Variants in SNF8 observed in about 807,000 individuals in gnomAD.
The protein encoded by SNF8 is vacuolar-sorting protein SNF8.
Under a neutral mutation model 36.8 loss-of-function variants are expected in SNF8, and 19 were observed. That is an observed-to-expected ratio of 0.52 (90% CI 0.36 to 0.76). SNF8 has a LOEUF of 0.76. SNF8 is among the 30% of genes least tolerant of loss of function. The pLI is 0.00. For synonymous variants in SNF8, 127 were observed against 127.4 expected (o/e 1.00, Z 0.02); for missense variants, 268 against 322.9 (o/e 0.83, Z 1.30).
rs2040823399 is a variant in SNF8, at chr17:48,929,403, T to G, written c.*1072A>C. 1 of 152,164 alleles carries G rather than the reference T, an allele frequency of 6.6e-6. No homozygotes were observed. The highest frequency in any genetic ancestry group is 6.6e-5 in the Admixed American group (1 of 15,262). 9.4% of individuals were successfully genotyped at this position (152,164 alleles called of 1,614,324 possible). On this transcript the variant is annotated 3_prime_UTR_variant, in exon 8 of 8. Coordinates refer to ENST00000502492, the MANE Select transcript of SNF8 (RefSeq NM_007241.4). ...TATCCTGCTAAAGGAAGGGTCTCAG[T>G]ATGGAAAAACCATTGAGTTTTCAGA...
intron 3 of SNF8, among the ~76,000 whole-genome samples, chr17:48,938,556 T>C (rs59318366): frequency 0.021 from 3,172 of 149,702 alleles, 99 homozygotes; most frequent in African/African-American, 0.066. Context: ...AATTATATTA[T>C]AATCCCATAT....
intron 3 of SNF8, among the ~76,000 whole-genome samples, chr17:48,939,584 C>T (rs1049265671): frequency 3.6e-4 from 55 of 151,116 alleles, no homozygotes; most frequent in Admixed American, 1.1e-3. Context: ...TTCAGCCTCC[C>T]GAGTAGCTGG....
chr17:48,941,277 C>CA (rs1317108402), intron 2 of SNF8, among the ~76,000 whole-genome samples: 11 of 151,952 alleles, frequency 7.2e-5, no homozygotes, highest in Non-Finnish European at 1.5e-5. Context: ...TTCTCACTTC[C>CA]AAAATACACA....
chr17:48,941,584 C>A (rs929715274), intron 2 of SNF8, among the ~76,000 whole-genome samples: 1 of 152,100 alleles, frequency 6.6e-6, no homozygotes, highest in Non-Finnish European at 1.5e-5. Context: ...TTGAGTCTGG[C>A]CAGGAATGGT....
intron 5 of SNF8, chr17:48,933,615 C>T (rs918397364): frequency 1.1e-5 from 4 of 371,524 alleles, no homozygotes; most frequent in Non-Finnish European, 2.0e-5. Context: ...GTGGCAATCG[C>T]CTATAATCCT....
At chr17:48,934,859 T>C (rs1445379305) in intron 5 of SNF8, among the ~76,000 whole-genome samples, 1 of 152,172 alleles carries the variant, frequency 6.6e-6, no homozygotes, top group Non-Finnish European at 1.5e-5. Flanking sequence ...CCAGCCTCGT[T>C]ACTTTTCTTT....
At position 48,929,410 on chromosome 17, in the gene SNF8, A is replaced by G. The variant is rs1347336046; in HGVS notation, c.*1065T>C. ...CTAAAGGAAGGGTCTCAGTATGGAA[A>G]AACCATTGAGTTTTCAGATTTCCAG... On this transcript the variant is annotated 3_prime_UTR_variant, in exon 8 of 8. Coordinates refer to ENST00000502492, the MANE Select transcript of SNF8 (RefSeq NM_007241.4). 1 of 152,180 alleles carries G rather than the reference A, an allele frequency of 6.6e-6. No individual in the cohort carries two copies. Among genetic ancestry groups the G allele is most frequent in the Non-Finnish European group, 1.5e-5 (1 of 68,054 alleles). The allele number at this position is 152,180 out of a possible 1,614,324, so 9.4% of individuals were successfully genotyped here.
chr17:48,931,156 A>G (rs1241414989), intron 7 of SNF8, among the ~76,000 whole-genome samples: 1 of 152,222 alleles, frequency 6.6e-6, no homozygotes, highest in Non-Finnish European at 1.5e-5. Flanking sequence ...TTGGATAAGG[A>G]AAAAAGGTAC....
Position 48,936,249 on chromosome 17 carries a change from G to C in SNF8, c.350-7C>G, listed in dbSNP as rs2040932702. ...TCCTCCAAAGTTATCAGACCTGTTT[G>C]GAGACAGGGAACAGAAATCAGAAAA... On this transcript the variant is annotated splice_polypyrimidine_tract_variant and splice_region_variant and intron_variant, in intron 4 of 7. Coordinates refer to ENST00000502492, the MANE Select transcript of SNF8 (RefSeq NM_007241.4). The C allele has an allele frequency of 6.2e-7, 1 of 1,610,582 alleles. No individual in the cohort carries two copies. Among genetic ancestry groups the C allele is most frequent in the East Asian group, 2.2e-5 (1 of 44,870 alleles).
At chr17:48,934,900 A>AG (rs1317094304) in intron 5 of SNF8, among the ~76,000 whole-genome samples, 1 of 152,132 alleles carries the variant, frequency 6.6e-6, no homozygotes, top group Non-Finnish European at 1.5e-5. Flanking sequence ...ATCTCATAGT[A>AG]GGCTGACTCT....
Position 48,937,137 on chromosome 17 carries a change from AAAAC to A in SNF8, c.245-17_245-14del. 1.3e-6 allele frequency: 2 copies of A among 1,584,524 alleles called. No homozygotes were observed. Among genetic ancestry groups the A allele is most frequent in the African/African-American group, 1.3e-5 (1 of 74,426 alleles). On this transcript the variant is annotated splice_polypyrimidine_tract_variant and intron_variant, in intron 3 of 7. Transcript: ENST00000502492. Reference sequence around the variant, plus strand: ...AATCCTTTTCCAGCTACAAGACAGAAAAACAAAATCTCGGTTATTGATTAATTTA... The same window carrying A: ...AATCCTTTTCCAGCTACAAGACAGAAAAAATCTCGGTTATTGATTAATTTA...
intron 5 of SNF8, 77 bp from the exon 6 acceptor site, chr17:48,933,423 A>G: frequency 6.6e-7 from 1 of 1,524,740 alleles, no homozygotes; most frequent in South Asian, 1.2e-5. Context: ...TGCCCTGGGC[A>G]GGATACTGAC....
rs777003599 is a variant in SNF8, at chr17:48,931,634, G to A, written c.639+9C>T. ...CCTGTCTTTTCTGGACTGTTCCAAA[G>A]TTGCATACCAGCACTTGCCGCGCTC... On this transcript the variant is annotated intron_variant, in intron 7 of 7. Transcript: ENST00000502492. 4 of 1,611,942 alleles carry A rather than the reference G, an allele frequency of 2.5e-6. No individual in the cohort carries two copies. Among genetic ancestry groups the A allele is most frequent in the Admixed American group, 1.7e-5 (1 of 59,824 alleles).
intron 5 of SNF8, 33 bp downstream of exon 5, chr17:48,936,137 C>A: frequency 3.2e-6 from 5 of 1,540,578 alleles, no homozygotes; most frequent in Admixed American, 1.7e-5. Flanking sequence ...AGACCTCTTT[C>A]TGTACTCCAA....
intron 7 of SNF8, 59 bp downstream of exon 7, chr17:48,931,584 C>A: frequency 7.2e-7 from 1 of 1,391,614 alleles, no homozygotes; most frequent in Non-Finnish European, 1.0e-6. Flanking sequence ...ATTTGTGGAA[C>A]CCACATCCTC....
chr17:48,942,753 T>C (rs1002300683), intron 2 of SNF8, among the ~76,000 whole-genome samples: 3 of 151,628 alleles, frequency 2.0e-5, no homozygotes, highest in African/African-American at 7.3e-5. Flanking sequence ...CATATAACCT[T>C]GGATATATTA....
In SNF8 at chr17:48,937,079, T is replaced by C. The variant is rs1444968098; in HGVS notation, c.290A>G (p.Tyr97Cys). 3.1e-6 allele frequency: 5 copies of C among 1,614,200 alleles called. No homozygotes were observed. The highest frequency in any genetic ancestry group is 1.1e-5 in the South Asian group (1 of 91,086). The change falls in exon 4 of 8, where the codon TAT becomes TGT. Residue 97 changes from tyrosine (Y) to cysteine (C), a missense_variant. Coordinates refer to ENST00000502492, the MANE Select transcript of SNF8 (RefSeq NM_007241.4). Reference sequence around the variant, plus strand: ...GATAATTTGGACACCTAGTTCGTAATAGAAGTCCCCCACGCCCAGCATCTC... The same window carrying C: ...GATAATTTGGACACCTAGTTCGTAACAGAAGTCCCCCACGCCCAGCATCTC... ...WSEMLGVGDF[Y>C]YELGVQIIEV...
chr17:48,930,606 G>C lies in SNF8; in HGVS notation c.646C>G (p.Leu216Val). 6.2e-7 allele frequency: 1 copy of C among 1,613,324 alleles called. No homozygotes were observed. Residue 216 changes from leucine to valine, a missense_variant, in exon 8 of 8, where the codon CTG becomes GTG. Coordinates refer to ENST00000502492, the MANE Select transcript of SNF8 (RefSeq NM_007241.4). The stretch of plus-strand genomic sequence containing the variant: ...AGCCACGCCAACCCTTCCTTCAGCA[G>C]GTGTTCCTGGAGGGAAAAGGGAAGA... ...TERARQVLEHLLKEGLAWLDL... is the reference protein window; with the variant it reads ...TERARQVLEHVLKEGLAWLDL...
Position 48,931,728 on chromosome 17 carries a change from G to A in SNF8, c.565-11C>T. On this transcript the variant is annotated splice_polypyrimidine_tract_variant and intron_variant, in intron 6 of 7. Coordinates refer to ENST00000502492, the MANE Select transcript of SNF8 (RefSeq NM_007241.4). ...CACGTAGCCATTCTTCTGAAGGAAG[G>A]AGGAATGGGGATTGAATCAGTTAAG... 6.2e-7 allele frequency: 1 copy of A among 1,610,194 alleles called. No individual in the cohort carries two copies. Among genetic ancestry groups the A allele is most frequent in the Admixed American group, 1.7e-5 (1 of 59,768 alleles).
Sources: gnomAD v4.1 joint callset for allele counts (sites outside exome capture counted in the v4.1 genomes callset) on GRCh38, gnomAD v4.1.1 for gene constraint, MANE v1.5 for transcripts, NCBI Gene and HGNC (gene_info 2026-07-23, HGNC 2026-07-21) for gene names.